The following DNAAF10 variants were observed in gnomAD, a reference collection of about 807,000 sequenced individuals.
DNAAF10 encodes WD repeat domain 92.
DNAAF10 carries 28 observed loss-of-function variants against 43.7 expected under a neutral mutation model. That is an observed-to-expected ratio of 0.64 (90% CI 0.48 to 0.88). The LOEUF (loss-of-function observed/expected upper bound fraction) is 0.88. Ranked by LOEUF, DNAAF10 falls within the 40% of genes least tolerant of loss-of-function variation. The pLI is 0.00. For missense variants in DNAAF10, 403 were observed against 439.1 expected, an observed-to-expected ratio of 0.92 and a Z score of 0.73; for synonymous variants, 156 against 157.3, an observed-to-expected ratio of 0.99 and a Z score of 0.06.
intron 4 of DNAAF10, among the ~76,000 whole-genome samples, chr2:68,139,376 T>C (rs931388336): frequency 6.6e-6 from 1 of 152,172 alleles, no homozygotes; most frequent in Non-Finnish European, 1.5e-5. Flanking sequence ...GGCACCATGC[T>C]TCTTGGATAC....
In DNAAF10 at chr2:68,131,421, C is replaced by T; in HGVS notation, c.891G>A (p.Lys297=). Residue 297 remains lysine (K), a synonymous_variant, in exon 8 of 8, where the codon AAG becomes AAA. Coordinates refer to ENST00000295121, the MANE Select transcript of DNAAF10 (RefSeq NM_138458.4). ...WKYEYPIQRS[K]KDSEGIEMGV... ...CCATTTCTATTCCCTCAGAATCTTT[C>T]TTTGACCGCTGAATAGGGTATTCAC... 1 of 1,614,056 alleles carries T rather than the reference C, an allele frequency of 6.2e-7. No homozygotes were observed. The highest frequency in any genetic ancestry group is 8.5e-7 in the Non-Finnish European group (1 of 1,179,974).
At chr2:68,156,936 C>A in intron 1 of DNAAF10, 1 of 387,276 alleles carries the variant, frequency 2.6e-6, no homozygotes, top group South Asian at 3.4e-5. Context: ...CCATTCACAT[C>A]CCTGGGAATA....
rs1483667245 is a variant in DNAAF10, at chr2:68,131,436, A to G, written c.876T>C (p.Pro292=). 4 of 1,607,408 alleles carry G rather than the reference A, an allele frequency of 2.5e-6. No homozygotes were observed. The highest frequency in any genetic ancestry group is 3.4e-6 in the Non-Finnish European group (4 of 1,176,218). ...CAGAATCTTTCTTTGACCGCTGAAT[A>G]GGGTATTCACTGAAAACAAGATCAA... ...GGLHLWKYEY[P]IQRSKKDSEG... is the part of the protein sequence containing the mutation. The change falls in exon 8 of 8, where the codon CCT becomes CCC. Residue 292 remains proline (P), a synonymous_variant. Coordinates refer to ENST00000295121, the MANE Select transcript of DNAAF10 (RefSeq NM_138458.4).
chr2:68,154,963 G>A lies in DNAAF10; in HGVS notation c.183+2298C>T, dbSNP rs1220945469. Among the ~76,000 whole-genome samples, 3 of 151,732 alleles carry A rather than the reference G, an allele frequency of 2.0e-5. No individual in the cohort carries two copies. The South Asian group carries it at 6.2e-4, about 32-fold the overall frequency. On this transcript the variant is annotated intron_variant, in intron 1 of 7. Coordinates refer to ENST00000295121, the MANE Select transcript of DNAAF10 (RefSeq NM_138458.4). ...TTTTTTTTATACAAAAAGTAGAGAC[G>A]GGGTTTCCCCATGTTGCCTAGGCTG...
chr2:68,148,994 T>C (rs1467039236), intron 1 of DNAAF10, among the ~76,000 whole-genome samples: 1 of 152,222 alleles, frequency 6.6e-6, no homozygotes, highest in Non-Finnish European at 1.5e-5. Flanking sequence ...TTTATTCCTT[T>C]TGCAGTGTTC....
At chr2:68,155,434 C>T (rs1354890864) in intron 1 of DNAAF10, among the ~76,000 whole-genome samples, 1 of 150,760 alleles carries the variant, frequency 6.6e-6, no homozygotes, top group African/African-American at 2.4e-5. Context: ...GCAGAGGTTG[C>T]AGTTAGCCAA....
rs767264884 is a variant in DNAAF10 at position 68,157,427 on chromosome 2, T to C, written c.17A>G (p.Lys6Arg). 6.2e-7 allele frequency: 1 copy of C among 1,614,138 alleles called. No homozygotes were observed. The highest frequency in any genetic ancestry group is 1.1e-5 in the South Asian group (1 of 91,086). The change falls in exon 1 of 8, where the codon AAG becomes AGG. Residue 6 changes from lysine to arginine, a missense_variant. By Grantham distance (26) the Lys-to-Arg change is conservative. Transcript: ENST00000295121. ...CTGGATATGGGCGATGATCTGAGGC[T>C]TCTCGAAGGCCGACATGGTGCAGCC... MSAFE[K>R]PQIIAHIQKG...
intron 4 of DNAAF10, 90 bp downstream of exon 4, chr2:68,141,604 A>T: frequency 8.2e-7 from 1 of 1,215,346 alleles, no homozygotes. Flanking sequence ...TCCACAAAAC[A>T]GACCATAAAG....
At chr2:68,132,173 G>A (rs564411471) in intron 7 of DNAAF10, among the ~76,000 whole-genome samples, 1 of 152,278 alleles carries the variant, frequency 6.6e-6, no homozygotes, top group East Asian at 1.9e-4. Context: ...ATAGAGATGT[G>A]TTCCTAATAA....
In DNAAF10 at chr2:68,131,465, G is replaced by T. The variant is rs370020714; in HGVS notation, c.867-20C>A. 3.1e-6 allele frequency: 5 copies of T among 1,609,646 alleles called. No individual in the cohort carries two copies. The highest frequency in any genetic ancestry group is 2.7e-5 in the African/African-American group (2 of 74,804). On this transcript the variant is annotated intron_variant, in intron 7 of 7. Transcript: ENST00000295121. Reference sequence around the variant, plus strand: ...TATTCACTGAAAACAAGATCAAAATGGTAAGAGCGCATAAATCTTAGCTTT... The same window carrying T: ...TATTCACTGAAAACAAGATCAAAATTGTAAGAGCGCATAAATCTTAGCTTT...
chr2:68,157,453 A>C lies in DNAAF10; in HGVS notation c.-10T>G. ...TCTCGAAGGCCGACATGGTGCAGCCAATTTCAGCTACGGCAACCGCCACAC... is the reference window on the plus strand; with the variant it reads ...TCTCGAAGGCCGACATGGTGCAGCCCATTTCAGCTACGGCAACCGCCACAC... On this transcript the variant is annotated 5_prime_UTR_variant, in exon 1 of 8. In the 5' UTR this introduces an upstream ATG that the reference lacks. Transcript: ENST00000295121. 6.2e-7 allele frequency: 1 copy of C among 1,614,096 alleles called. No homozygotes were observed. The highest frequency in any genetic ancestry group is 8.5e-7 in the Non-Finnish European group (1 of 1,180,002).
At chr2:68,134,108 TTTTTGTTTTG>T (rs1041140267) in intron 7 of DNAAF10, 1 of 979,786 alleles carries the variant, frequency 1.0e-6, no homozygotes, top group Non-Finnish European at 1.2e-6. Context: ...AGACCTTTAA[TTTTTGTTTTG>T]TTTTGTTTTG....
chr2:68,150,361 G>T (rs575141080), intron 1 of DNAAF10, among the ~76,000 whole-genome samples: 29 of 152,208 alleles, frequency 1.9e-4, no homozygotes, highest in African/African-American at 6.5e-4. Flanking sequence ...TGCATGTGTT[G>T]TTTTCAGATT....
chr2:68,136,689 AT>A (rs1673051016), intron 6 of DNAAF10, among the ~76,000 whole-genome samples: 1 of 152,074 alleles, frequency 6.6e-6, no homozygotes, highest in African/African-American at 2.4e-5. Flanking sequence ...ATTTTCTGTA[AT>A]CCCCCCAGTC....
At chr2:68,137,152 A>G (rs1297482992) in intron 6 of DNAAF10, 147 bp downstream of exon 6, 1 of 872,782 alleles carries the variant, frequency 1.1e-6, no homozygotes, top group Non-Finnish European at 1.6e-6. Context: ...CTTTGCACAG[A>G]AAAACTTGTC....
intron 1 of DNAAF10, among the ~76,000 whole-genome samples, chr2:68,152,064 T>C (rs775371503): frequency 6.6e-5 from 10 of 152,212 alleles, no homozygotes; most frequent in Non-Finnish European, 7.4e-5. Context: ...CTGAGCGTTA[T>C]TGGAAGTATC....
rs1367519096 is a variant in DNAAF10 at position 68,131,233 on chromosome 2, T to C, written c.*5A>G. The C allele has an allele frequency of 1.2e-6, 2 of 1,613,868 alleles. No individual in the cohort carries two copies. On this transcript the variant is annotated 3_prime_UTR_variant, in exon 8 of 8. Coordinates refer to ENST00000295121, the MANE Select transcript of DNAAF10 (RefSeq NM_138458.4). ...GTGCCCAGCCTCAAGTCCAAAGTCT[T>C]GAAGTCAAATTTTATTGAGCTTTGT...
chr2:68,140,701 C>T (rs571541521), intron 4 of DNAAF10, among the ~76,000 whole-genome samples: 5 of 152,220 alleles, frequency 3.3e-5, no homozygotes, highest in East Asian at 3.9e-4. Flanking sequence ...ATCTTCAGGC[C>T]GTCCTAACAC....
At position 68,147,549 on chromosome 2, in the gene DNAAF10, T is replaced by C. The variant is rs145666932; in HGVS notation, c.202A>G (p.Ile68Val). ...LLREIEKAKP[I>V]KCGTFGATSL... is the part of the protein sequence containing the mutation. ...GTTGCACCAAATGTTCCACATTTAA[T>C]AGGTTTGGCCTTTTCAATCTTCATA... The change falls in exon 2 of 8, where the codon ATT (isoleucine) becomes GTT (valine). Residue 68 changes from isoleucine (I) to valine (V), a missense_variant. Physicochemically the swap from Ile to Val is conservative, Grantham distance 29. Transcript: ENST00000295121. 4 of 1,611,562 alleles carry C rather than the reference T, an allele frequency of 2.5e-6. No homozygotes were observed. Among genetic ancestry groups the C allele is most frequent in the Non-Finnish European group, 3.4e-6 (4 of 1,178,918 alleles).
Sources: gnomAD v4.1 joint callset for allele counts (sites outside exome capture counted in the v4.1 genomes callset) on GRCh38, gnomAD v4.1.1 for gene constraint, MANE v1.5 for transcripts, NCBI Gene and HGNC (gene_info 2026-07-23, HGNC 2026-07-21) for gene names.